Variants in MLIP observed in about 807,000 individuals in gnomAD.
MLIP encodes muscular LMNA-interacting protein.
MLIP carries 79 observed loss-of-function variants against 84.8 expected under a neutral mutation model. The ratio of observed to expected loss-of-function variants is 0.93; its 90% CI spans 0.78 to 1.12. The LOEUF (loss-of-function observed/expected upper bound fraction) is 1.12, where lower values mean the gene tolerates loss of function less well. Among genes scored for constraint, MLIP ranks in the 50% most tolerant of loss-of-function variants. The pLI, the probability that MLIP is intolerant of heterozygous loss-of-function variation, is 0.00. For missense variants in MLIP, 1,257 were observed against 1,160.6 expected, an observed-to-expected ratio of 1.08 and a Z score of -1.21; for synonymous variants, 504 against 463.0, an observed-to-expected ratio of 1.09 and a Z score of -1.14.
intron 9 of MLIP, among the ~76,000 whole-genome samples, chr6:54,183,073 T>TA (rs1238641239): frequency 3.3e-5 from 5 of 152,304 alleles, no homozygotes; most frequent in Admixed American, 3.3e-4. Flanking sequence ...CAAACTTTAT[T>TA]AATAATATTT....
At chr6:54,181,891 A>G (rs1023308766) in intron 9 of MLIP, among the ~76,000 whole-genome samples, 1 of 152,222 alleles carries the variant, frequency 6.6e-6, no homozygotes, top group Admixed American at 6.5e-5. Context: ...GATGTAAGAC[A>G]AAGTCCTCTT....
In MLIP at chr6:54,142,893, C is replaced by T. The variant is rs1028096298; in HGVS notation, c.2217+4607C>T. Among the ~76,000 whole-genome samples, 7 of 151,556 alleles carry T rather than the reference C, an allele frequency of 4.6e-5. No homozygotes were observed. The East Asian group carries it at 5.8e-4, about 13-fold the overall frequency. On this transcript the variant is annotated intron_variant, in intron 4 of 13. Transcript: ENST00000502396. The stretch of plus-strand genomic sequence containing the variant: ...CATTCACCAAACATCAGAGCCACTA[C>T]GTGAAATGAAAAAAACAACAACAAC...
intron 1 of MLIP, among the ~76,000 whole-genome samples, chr6:54,053,768 T>C (rs1489337591): frequency 6.6e-6 from 1 of 152,226 alleles, no homozygotes; most frequent in Non-Finnish European, 1.5e-5. Context: ...TGTTACAATT[T>C]TTATTTTATT....
chr6:54,208,844 C>T (rs1779221780), intron 11 of MLIP, among the ~76,000 whole-genome samples: 1 of 152,176 alleles, frequency 6.6e-6, no homozygotes, highest in African/African-American at 2.4e-5. Flanking sequence ...TCCAAATACA[C>T]TGCCTCCCTC....
chr6:54,023,443 G>A (rs999812505), intron 1 of MLIP, among the ~76,000 whole-genome samples: 1 of 151,738 alleles, frequency 6.6e-6, no homozygotes, highest in Admixed American at 6.6e-5. Context: ...TTAAAAATTT[G>A]ATATATTTTG....
At chr6:54,083,584 A>T in intron 1 of MLIP, 1 of 1,536,032 alleles carries the variant, frequency 6.5e-7, no homozygotes. Context: ...ACCGGATTCC[A>T]TGTGCAGCTG....
At chr6:54,133,227 A>G (rs1385042523) in intron 3 of MLIP, among the ~76,000 whole-genome samples, 1 of 152,166 alleles carries the variant, frequency 6.6e-6, no homozygotes, top group African/African-American at 2.4e-5. Context: ...TCAGATTTTA[A>G]AAGTTCAATC....
At position 54,207,409 on chromosome 6, in the gene MLIP, A is replaced by ACCC. The variant is rs34566577; in HGVS notation, c.2718+5185_2718+5187dup. The stretch of plus-strand genomic sequence containing the variant: ...TACACAGAATTTCCATCACCTCTGC[A>ACCC]CCCCCCCCCCCTTTTTTGACATTTC... On this transcript the variant is annotated intron_variant, in intron 11 of 13. Coordinates refer to ENST00000502396, the MANE Select transcript of MLIP (RefSeq NM_001281747.2). Among the ~76,000 whole-genome samples the ACCC allele has an allele frequency of 7.6e-4, 75 of 98,628 alleles. 2 individuals carry two copies. Among genetic ancestry groups the ACCC allele is most frequent in the South Asian group, 2.5e-3 (7 of 2,752 alleles). 64.7% of individuals were successfully genotyped at this position (98,628 alleles called of 152,430 possible).
intron 1 of MLIP, among the ~76,000 whole-genome samples, chr6:54,049,221 G>T (rs1765242088): frequency 1.3e-5 from 2 of 152,102 alleles, no homozygotes; most frequent in African/African-American, 4.8e-5. Flanking sequence ...ATCTCTGTGG[G>T]TGGGGCCCTG....
At chr6:54,031,575 G>A (rs1325098204) in intron 1 of MLIP, 2 of 4,312 alleles carry the variant, frequency 4.6e-4, no homozygotes, top group East Asian at 0.056. Flanking sequence ...TGTTATGACG[G>A]GGATCCCAAG....
At chr6:54,195,660 A>G (rs1368477413) in intron 10 of MLIP, among the ~76,000 whole-genome samples, 1 of 152,082 alleles carries the variant, frequency 6.6e-6, no homozygotes, top group Admixed American at 6.6e-5. Flanking sequence ...TAGATTATAA[A>G]CACAAATCAA....
In MLIP at chr6:54,164,176, A is replaced by G. The variant is rs1346852607; in HGVS notation, c.2499+3377A>G. On this transcript the variant is annotated intron_variant, in intron 8 of 13. Coordinates refer to ENST00000502396, the MANE Select transcript of MLIP (RefSeq NM_001281747.2). ...ATTGTTACCTTCTATGACCTTTCAC[A>G]TGAAGTGTTCAATCTTTTCTTCCCC... Among the ~76,000 whole-genome samples the G allele has an allele frequency of 3.9e-5, 6 of 151,976 alleles. No homozygotes were observed. The South Asian group carries it at 1.0e-3, about 26-fold the overall frequency.
intron 1 of MLIP, among the ~76,000 whole-genome samples, chr6:54,019,509 AG>A (rs1473388508): frequency 4.6e-5 from 7 of 152,358 alleles, no homozygotes; most frequent in African/African-American, 1.7e-4. Flanking sequence ...TGTTTTATTA[AG>A]TTTAATGAAC....
chr6:54,153,359 G>A (rs1484975861), intron 5 of MLIP, among the ~76,000 whole-genome samples: 1 of 151,980 alleles, frequency 6.6e-6, no homozygotes, highest in Non-Finnish European at 1.5e-5. Flanking sequence ...TTGAGATGGA[G>A]TCTTGCTATG....
chr6:54,023,767 T>C (rs1189878530), intron 1 of MLIP, among the ~76,000 whole-genome samples: 1 of 151,834 alleles, frequency 6.6e-6, no homozygotes, highest in Non-Finnish European at 1.5e-5. Context: ...ACTGGGTTTC[T>C]CCACGTTAGC....
intron 12 of MLIP, among the ~76,000 whole-genome samples, chr6:54,239,914 A>G (rs1010734571): frequency 2.6e-5 from 4 of 152,214 alleles, no homozygotes; most frequent in African/African-American, 9.6e-5. Context: ...CAATATTTTT[A>G]GTGCCCCTCT....
intron 1 of MLIP, among the ~76,000 whole-genome samples, chr6:54,042,354 T>C (rs182384581): frequency 4.2e-4 from 64 of 152,162 alleles, no homozygotes; most frequent in Non-Finnish European, 2.1e-4. Context: ...TGCTCTACAT[T>C]CTCCTCCTCC....
At chr6:54,177,549 T>C (rs1776416293) in intron 9 of MLIP, among the ~76,000 whole-genome samples, 1 of 152,150 alleles carries the variant, frequency 6.6e-6, no homozygotes, top group South Asian at 2.1e-4. Context: ...AAACAACAGA[T>C]GCTGGTGAGG....
chr6:54,214,769 T>A (rs952773868), intron 11 of MLIP, among the ~76,000 whole-genome samples: 35 of 152,316 alleles, frequency 2.3e-4, no homozygotes, highest in African/African-American at 8.4e-4. Flanking sequence ...GCTACCTGGG[T>A]TGACAGAAGG....
Sources: allele counts gnomAD v4.1 joint callset (sites outside exome capture counted in the v4.1 genomes callset), GRCh38; gene constraint gnomAD v4.1.1; transcripts MANE v1.5; gene names NCBI Gene and HGNC (gene_info 2026-07-23, HGNC 2026-07-21).